The following SSH2 variants were observed in gnomAD, a reference collection of about 807,000 sequenced individuals.
SSH2 encodes protein phosphatase Slingshot homolog 2.
SSH2 carries 37 observed loss-of-function variants against 135.2 expected under a neutral mutation model. The ratio of observed to expected loss-of-function variants is 0.27; its 90% CI spans 0.21 to 0.36. SSH2 has a LOEUF of 0.36. Ranked by LOEUF, SSH2 falls within the 10% of genes least tolerant of loss-of-function variation. The probability of loss-of-function intolerance (pLI) is 1.00; values close to 1 mark genes in which losing one functional copy is unlikely to be tolerated. For synonymous variants in SSH2, 628 were observed against 646.2 expected (o/e 0.97, Z 0.43); for missense variants, 1,408 against 1,765.3 (o/e 0.80, Z 3.63).
intron 3 of SSH2, among the ~76,000 whole-genome samples, chr17:29,789,064 G>C (rs2042019425): frequency 6.6e-6 from 1 of 152,218 alleles, no homozygotes; most frequent in Admixed American, 6.5e-5. Context: ...GGGCTGGATT[G>C]TGTTTGTGTT....
At chr17:29,793,614 C>A in intron 3 of SSH2, 2 of 254,532 alleles carry the variant, frequency 7.9e-6, no homozygotes, top group South Asian at 1.1e-4. Context: ...AACTGGATTC[C>A]TAAAGCATTC....
intron 5 of SSH2, among the ~76,000 whole-genome samples, chr17:29,689,324 C>A (rs996021390): frequency 6.6e-6 from 1 of 152,136 alleles, no homozygotes; most frequent in African/African-American, 2.4e-5. Context: ...TTTATTAACA[C>A]AATCAAATAA....
rs1253173023 is a variant in SSH2, at chr17:29,631,863, G to A, written c.3331C>T (p.Pro1111Ser). The A allele has an allele frequency of 6.2e-7, 1 of 1,614,228 alleles. No homozygotes were observed. The highest frequency in any genetic ancestry group is 8.5e-7 in the Non-Finnish European group (1 of 1,180,042). Residue 1111 changes from proline to serine, a missense_variant, in exon 16 of 16, where the codon CCT becomes TCT. Physicochemically the swap from Pro to Ser is moderately conservative, Grantham distance 74. Transcript: ENST00000540801. Reference sequence around the variant, plus strand: ...TGGTCAGTGGGTCTGTTGTGCTCAGGGGAGGAAGAATGAGGCAGAGGTAGC... The same window carrying A: ...TGGTCAGTGGGTCTGTTGTGCTCAGAGGAGGAAGAATGAGGCAGAGGTAGC... ...QVLPLPHSSS[P>S]EHNRPTDHPT...
intron 1 of SSH2, among the ~76,000 whole-genome samples, chr17:29,861,607 A>G (rs1415406467): frequency 2.0e-5 from 3 of 151,494 alleles, no homozygotes; most frequent in Non-Finnish European, 4.4e-5. Context: ...TGTGCTGTCC[A>G]GGCTAGAGTG....
At chr17:29,808,021 A>C (rs2042377736) in intron 2 of SSH2, among the ~76,000 whole-genome samples, 1 of 152,138 alleles carries the variant, frequency 6.6e-6, no homozygotes. Context: ...AATTCTGAGA[A>C]AATTATTTTG....
Position 29,739,171 on chromosome 17 carries a change from A to G in SSH2, c.189-36109T>C, listed in dbSNP as rs550507412. Among the ~76,000 whole-genome samples, 10 of 152,302 alleles carry G rather than the reference A, an allele frequency of 6.6e-5. No homozygotes were observed. In the East Asian group the frequency reaches 1.9e-3, roughly 29 times the overall value. On this transcript the variant is annotated intron_variant, in intron 3 of 15. Coordinates refer to ENST00000540801, the MANE Select transcript of SSH2 (RefSeq NM_001282129.2). The stretch of plus-strand genomic sequence containing the variant: ...TAGACTACAACAAGAAAAATTTTAT[A>G]GGAAGATAAAAAATAGAGAAAACAG...
intron 1 of SSH2, among the ~76,000 whole-genome samples, chr17:29,868,212 C>T (rs945138972): frequency 2.6e-5 from 4 of 152,138 alleles, no homozygotes; most frequent in South Asian, 2.1e-4. Context: ...TGATCTAAAC[C>T]CTTGACATGT....
rs1208136701 is a variant in SSH2 at position 29,842,137 on chromosome 17, G to GA, written c.144+6711dup. The stretch of plus-strand genomic sequence containing the variant: ...ACTCACAGAGATCCTGATTTAACTG[G>GA]AGGAGACCCTGTTATTAATTTAAAA... On this transcript the variant is annotated intron_variant, in intron 2 of 15. Coordinates refer to ENST00000540801, the MANE Select transcript of SSH2 (RefSeq NM_001282129.2). 4.4e-5 allele frequency among the ~76,000 whole-genome samples: 5 copies of GA among 113,366 alleles called. No individual in the cohort carries two copies. The East Asian group carries it at 1.5e-3, about 33-fold the overall frequency. 74.4% of individuals were successfully genotyped at this position (113,366 alleles called of 152,430 possible).
chr17:29,802,405 G>A (rs2042264963), intron 2 of SSH2, among the ~76,000 whole-genome samples: 1 of 152,140 alleles, frequency 6.6e-6, no homozygotes, highest in Non-Finnish European at 1.5e-5. Context: ...AGAGGAAGAA[G>A]TGACTAACTA....
rs1241608212 is a variant in SSH2, at chr17:29,893,957, CT to C, written c.63+35980del. Among the ~76,000 whole-genome samples the C allele has an allele frequency of 2.0e-5, 3 of 152,022 alleles. No individual in the cohort carries two copies. The East Asian group carries it at 5.8e-4, about 29-fold the overall frequency. ...ATTTGCAGGATTTTCCTTCATTAGT[CT>C]CCCAAATGTCCCATTCCCCAAAAGT... On this transcript the variant is annotated intron_variant, in intron 1 of 15. Coordinates refer to ENST00000540801, the MANE Select transcript of SSH2 (RefSeq NM_001282129.2).
intron 1 of SSH2, among the ~76,000 whole-genome samples, chr17:29,864,644 T>TAAAA (rs540074955): frequency 2.9e-5 from 4 of 138,062 alleles, no homozygotes; most frequent in Admixed American, 7.2e-5. Flanking sequence ...GAATACTTAC[T>TAAAA]AAAAAAAAAA....
chr17:29,686,815 C>A (rs2038243430), intron 5 of SSH2, among the ~76,000 whole-genome samples: 1 of 152,088 alleles, frequency 6.6e-6, no homozygotes, highest in African/African-American at 2.4e-5. Context: ...ATTACAGGCA[C>A]ATGCCACCAT....
intron 11 of SSH2, among the ~76,000 whole-genome samples, chr17:29,657,973 T>C (rs113125504): frequency 0.012 from 1,765 of 151,460 alleles, 31 homozygotes; most frequent in African/African-American, 0.04. Context: ...AGACTCCACA[T>C]CTGTTATCTT....
intron 1 of SSH2, among the ~76,000 whole-genome samples, chr17:29,887,684 C>A (rs1337823425): frequency 2.6e-5 from 4 of 152,130 alleles, no homozygotes; most frequent in Non-Finnish European, 5.9e-5. Context: ...GTTGGTTGTT[C>A]TTATTTCTTT....
intron 5 of SSH2, among the ~76,000 whole-genome samples, chr17:29,691,860 C>T (rs1033743469): frequency 2.6e-5 from 4 of 151,100 alleles, no homozygotes; most frequent in African/African-American, 4.9e-5. Flanking sequence ...GACTTTCAGC[C>T]GGGCGCGGTG....
chr17:29,778,350 T>G (rs979468714), intron 3 of SSH2, among the ~76,000 whole-genome samples: 13 of 152,216 alleles, frequency 8.5e-5, no homozygotes, highest in African/African-American at 3.1e-4. Flanking sequence ...TCATAAGTCA[T>G]GTAGCCTGGA....
At chr17:29,671,910 C>T in intron 9 of SSH2, 25 bp downstream of exon 9, 2 of 1,597,930 alleles carry the variant, frequency 1.3e-6, no homozygotes, top group Non-Finnish European at 1.7e-6. Context: ...AGAGAACTTC[C>T]ATAATCCTTA....
chr17:29,666,078 C>A (rs148759537), intron 11 of SSH2, among the ~76,000 whole-genome samples: 1,647 of 152,172 alleles, frequency 0.011, 32 homozygotes, highest in African/African-American at 0.036. Flanking sequence ...ATGGCTCATG[C>A]CGGTAATTTG....
intron 8 of SSH2, among the ~76,000 whole-genome samples, chr17:29,674,997 A>G (rs540560577): frequency 6.8e-4 from 103 of 152,326 alleles, no homozygotes; most frequent in African/African-American, 2.4e-3. Flanking sequence ...ACTCTTCCCC[A>G]AAATATACCT....
Sources: allele counts gnomAD v4.1 joint callset (sites outside exome capture counted in the v4.1 genomes callset), GRCh38; gene constraint gnomAD v4.1.1; transcripts MANE v1.5; gene names NCBI Gene and HGNC (gene_info 2026-07-23, HGNC 2026-07-21).